The following AGAP1 variants were observed in gnomAD, a reference collection of about 807,000 sequenced individuals.
AGAP1 encodes arf-GAP with GTPase, ANK repeat and PH domain-containing protein 1.
In AGAP1, 29 loss-of-function variants were observed where a neutral mutation model predicts 105.3. That is an observed-to-expected ratio of 0.28 (90% CI 0.21 to 0.38). The LOEUF is 0.38. AGAP1 is among the 10% of genes least tolerant of loss of function. The pLI, the probability that AGAP1 is intolerant of heterozygous loss-of-function variation, is 1.00. For synonymous variants in AGAP1, 509 were observed against 485.9 expected (o/e 1.05, Z -0.63); for missense variants, 998 against 1,165.1 (o/e 0.86, Z 2.09).
intron 10 of AGAP1, among the ~76,000 whole-genome samples, chr2:235,899,000 A>G (rs1010299326): frequency 3.3e-5 from 5 of 152,350 alleles, no homozygotes; most frequent in African/African-American, 1.2e-4. Context: ...GGAAAACAAG[A>G]GTAGTTCCTG....
At chr2:235,923,530 A>ACCCCC (rs1559651113) in intron 11 of AGAP1, among the ~76,000 whole-genome samples, 4 of 32,490 alleles carry the variant, frequency 1.2e-4, no homozygotes, top group Non-Finnish European at 1.8e-4. Flanking sequence ...ACCCCACCCC[A>ACCCCC]CTCACAAGGG....
Position 235,841,229 on chromosome 2 carries a change from A to C in AGAP1, c.1050+33898A>C, listed in dbSNP as rs146961140. On this transcript the variant is annotated intron_variant, in intron 9 of 17. Transcript: ENST00000304032. ...GGAGGAACAGGTCTAGAAGTTATCG[A>C]TTCGCTTGGAATAATAAATGATACA... Among the ~76,000 whole-genome samples, 13 of 152,302 alleles carry C rather than the reference A, an allele frequency of 8.5e-5. No homozygotes were observed. In the East Asian group the frequency reaches 2.5e-3, roughly 29 times the overall value.
intron 9 of AGAP1, among the ~76,000 whole-genome samples, chr2:235,870,429 C>G (rs1212503718): frequency 1.3e-5 from 2 of 152,174 alleles, no homozygotes; most frequent in African/African-American, 4.8e-5. Context: ...GAGTTCAAGA[C>G]CAGCCTAGCC....
chr2:235,996,175 C>T (rs1040542437), intron 13 of AGAP1, among the ~76,000 whole-genome samples: 5 of 152,184 alleles, frequency 3.3e-5, no homozygotes, highest in South Asian at 2.1e-4. Context: ...TTTCATTATT[C>T]GATAAGCAAT....
intron 1 of AGAP1, among the ~76,000 whole-genome samples, chr2:235,532,487 T>A (rs1182980540): frequency 1.3e-5 from 2 of 152,226 alleles, no homozygotes; most frequent in Non-Finnish European, 2.9e-5. Flanking sequence ...ATTACAGGTG[T>A]GAGCCACTGC....
chr2:236,042,417 G>C lies in AGAP1; in HGVS notation c.1891+1576G>C, dbSNP rs916709485. On this transcript the variant is annotated intron_variant, in intron 15 of 17. Coordinates refer to ENST00000304032, the MANE Select transcript of AGAP1 (RefSeq NM_001037131.3). This position sits in a 1 kb window ranked among gnomAD's most constrained non-coding sequence, Gnocchi z 5.6. ...GTTCTTCTTTAAAGTACCTCCTTAT[G>C]TTTGAATGTTTAAGTTTTACTTTCA... Among the ~76,000 whole-genome samples, 11 of 152,306 alleles carry C rather than the reference G, an allele frequency of 7.2e-5. No individual in the cohort carries two copies. In the South Asian group the frequency reaches 1.9e-3, roughly 26 times the overall value.
chr2:235,602,829 A>C (rs1945777771), intron 1 of AGAP1, among the ~76,000 whole-genome samples: 1 of 152,022 alleles, frequency 6.6e-6, no homozygotes, highest in Admixed American at 6.6e-5. Flanking sequence ...AGCCTCCCGA[A>C]CAGCTGGGAT....
At chr2:236,099,432 G>A (rs1242186686) in intron 16 of AGAP1, among the ~76,000 whole-genome samples, 2 of 151,792 alleles carry the variant, frequency 1.3e-5, no homozygotes, top group Non-Finnish European at 2.9e-5. Flanking sequence ...TCCAGCCTGG[G>A]CGACAGAGCG....
intron 13 of AGAP1, among the ~76,000 whole-genome samples, chr2:236,028,524 T>A (rs1576107770): frequency 6.6e-6 from 1 of 152,358 alleles, no homozygotes; most frequent in East Asian, 1.9e-4. Context: ...ATACGATTTT[T>A]GTTTGCTAGT....
At chr2:235,984,059 CCCCAGCCCCTACTTCT>C (rs1456335870) in intron 13 of AGAP1, among the ~76,000 whole-genome samples, 1 of 152,210 alleles carries the variant, frequency 6.6e-6, no homozygotes, top group Admixed American at 6.5e-5. Flanking sequence ...AGCAACAACT[CCCCAGCCCCTACTTCT>C]CCCAGCCCCT....
intron 1 of AGAP1, among the ~76,000 whole-genome samples, chr2:235,591,786 C>T (rs1284954521): frequency 6.6e-6 from 1 of 152,054 alleles, no homozygotes. Flanking sequence ...TTTAATTTTC[C>T]TTTACACAAC....
rs532826594 is a variant in AGAP1, at chr2:235,589,772, G to A, written c.163+94923G>A. On this transcript the variant is annotated intron_variant, in intron 1 of 17. Coordinates refer to ENST00000304032, the MANE Select transcript of AGAP1 (RefSeq NM_001037131.3). ...TTTTAGTGTTTGTGTAGCCAGGAGA[G>A]CACGGCCAGGACTCACTCTGAGTTG... is the stretch of plus-strand genomic sequence containing the variant. 8.5e-5 allele frequency among the ~76,000 whole-genome samples: 13 copies of A among 152,274 alleles called. No homozygotes were observed. The East Asian group carries it at 2.5e-3, about 29-fold the overall frequency.
intron 1 of AGAP1, among the ~76,000 whole-genome samples, chr2:235,585,594 T>C (rs1945082039): frequency 6.6e-6 from 1 of 152,240 alleles, no homozygotes; most frequent in Admixed American, 6.5e-5. Flanking sequence ...CTTTGAGTTC[T>C]ACATTCATTT....
In AGAP1 at chr2:236,062,631, A is replaced by C. The variant is rs538581352; in HGVS notation, c.2114+13350A>C. On this transcript the variant is annotated intron_variant, in intron 16 of 17. Transcript: ENST00000304032. The surrounding 1 kb of genome is among the most constrained non-coding windows in gnomAD (Gnocchi z 4.2). ...GCTGGGACTACAGCCACATGCCTCC[A>C]CACTCAGCTATTTTGTTTGTTTGTT... Among the ~76,000 whole-genome samples the C allele has an allele frequency of 2.0e-5, 3 of 151,532 alleles. No individual in the cohort carries two copies. In the South Asian group the frequency reaches 6.3e-4, roughly 32 times the overall value.
chr2:235,588,223 C>T (rs1047469563), intron 1 of AGAP1, among the ~76,000 whole-genome samples: 14 of 113,424 alleles, frequency 1.2e-4, no homozygotes, highest in Non-Finnish European at 2.2e-4. Context: ...AGTGAGACTC[C>T]GTCTCAAAAA....
Position 235,979,358 on chromosome 2 carries a change from C to A in AGAP1, c.1645+10735C>A, listed in dbSNP as rs974668878. ...CCCCCTGTCGTTCATTTGAATCCTG[C>A]ATCGCTGATTTAAGTGTTAATCAAA... On this transcript the variant is annotated intron_variant, in intron 13 of 17. Coordinates refer to ENST00000304032, the MANE Select transcript of AGAP1 (RefSeq NM_001037131.3). This position sits in a 1 kb window ranked among gnomAD's most constrained non-coding sequence, Gnocchi z 4.5. 6.6e-6 allele frequency among the ~76,000 whole-genome samples: 1 copy of A among 152,118 alleles called. No individual in the cohort carries two copies. The highest frequency in any genetic ancestry group is 1.5e-5 in the Non-Finnish European group (1 of 68,032).
Position 235,716,948 on chromosome 2 carries a change from G to A in AGAP1, c.223-609G>A, listed in dbSNP as rs551596509. On this transcript the variant is annotated intron_variant, in intron 2 of 17. Coordinates refer to ENST00000304032, the MANE Select transcript of AGAP1 (RefSeq NM_001037131.3). The surrounding 1 kb of genome is among the most constrained non-coding windows in gnomAD (Gnocchi z 4.0). ...TTTGCCGTCTCTCCCAGCAGCCCTG[G>A]CACTGTCCCCTTTTTCTCGGAGATG... Among the ~76,000 whole-genome samples the A allele has an allele frequency of 3.9e-4, 60 of 152,158 alleles. No homozygotes were observed. The highest frequency in any genetic ancestry group is 1.4e-3 in the African/African-American group (58 of 41,534).
In AGAP1 at chr2:235,993,758, G is replaced by A. The variant is rs1044641053; in HGVS notation, c.1645+25135G>A. Among the ~76,000 whole-genome samples, 4 of 152,234 alleles carry A rather than the reference G, an allele frequency of 2.6e-5. No individual in the cohort carries two copies. Among genetic ancestry groups the A allele is most frequent in the South Asian group, 4.2e-4 (2 of 4,818 alleles). On this transcript the variant is annotated intron_variant, in intron 13 of 17. Transcript: ENST00000304032. This position sits in a 1 kb window ranked among gnomAD's most constrained non-coding sequence, Gnocchi z 5.0. ...TTTCTTACCAAACCAGCTATGCCAC[G>A]CCCTTCTGCTTTGGCTGTGTAGATG... is the stretch of plus-strand genomic sequence containing the variant.
At chr2:235,916,602 G>T (rs528685333) in intron 11 of AGAP1, among the ~76,000 whole-genome samples, 1 of 152,294 alleles carries the variant, frequency 6.6e-6, no homozygotes, top group African/African-American at 2.4e-5. Context: ...CCCTTCTGAA[G>T]TTGTCTCACT....
Sources: gnomAD v4.1 joint callset for allele counts (sites outside exome capture counted in the v4.1 genomes callset) on GRCh38, gnomAD v4.1.1 for gene constraint, Gnocchi (gnomAD v3.1) non-coding constraint, MANE v1.5 for transcripts, NCBI Gene and HGNC (gene_info 2026-07-23, HGNC 2026-07-21) for gene names.